NCAN: variants seen among roughly 807,000 people sequenced by gnomAD.
NCAN encodes the protein neurocan, also known as neurocan core protein.
NCAN carries 47 observed loss-of-function variants against 121.8 expected under a neutral mutation model. That is an observed-to-expected ratio of 0.39 (90% CI 0.31 to 0.49). The LOEUF (loss-of-function observed/expected upper bound fraction) is 0.49. NCAN is among the 20% of genes least tolerant of loss of function. The pLI, the probability that NCAN is intolerant of heterozygous loss-of-function variation, is 0.92. For missense variants in NCAN, 1,517 were observed against 1,773.4 expected, an observed-to-expected ratio of 0.86 and a Z score of 2.60; for synonymous variants, 633 against 702.0, an observed-to-expected ratio of 0.90 and a Z score of 1.55.
At position 19,240,664 on chromosome 19, in the gene NCAN, G is replaced by C; in HGVS notation, c.3471G>C (p.Gln1157His). ...LNDRIVERDF[Q>H]WTDNTGLQFE... The stretch of plus-strand genomic sequence containing the variant: ...ACAGGATCGTGGAGAGAGATTTCCA[G>C]TGGACGGACAACACCGGGCTGGTGA... The change falls in exon 12 of 15, where the codon CAG (glutamine) becomes CAC (histidine). Residue 1157 changes from glutamine (Q) to histidine (H), a missense_variant. By Grantham distance (24) the Gln-to-His change is conservative (BLOSUM62 0). Transcript: ENST00000252575. 2 of 1,614,124 alleles carry C rather than the reference G, an allele frequency of 1.2e-6. No homozygotes were observed. Among genetic ancestry groups the C allele is most frequent in the Non-Finnish European group, 1.7e-6 (2 of 1,180,044 alleles).
chr19:19,247,380 A>C (rs1220053000), intron 13 of NCAN, among the ~76,000 whole-genome samples: 2 of 152,124 alleles, frequency 1.3e-5, no homozygotes, highest in Non-Finnish European at 2.9e-5. Context: ...TGGCCTCCTC[A>C]GCAGCTGGGA....
chr19:19,237,961 T>G (rs769571110), intron 10 of NCAN, among the ~76,000 whole-genome samples: 12 of 151,912 alleles, frequency 7.9e-5, no homozygotes, highest in Non-Finnish European at 1.3e-4. Context: ...GAGGATTGCT[T>G]GAGTATGGGA....
intron 13 of NCAN, among the ~76,000 whole-genome samples, chr19:19,247,226 G>A (rs886325311): frequency 2.0e-5 from 3 of 151,706 alleles, no homozygotes; most frequent in Non-Finnish European, 2.9e-5. Context: ...GCTGGACTAC[G>A]GGTGCACACC....
At chr19:19,231,502 T>C (rs2060859803) in intron 8 of NCAN, among the ~76,000 whole-genome samples, 1 of 152,000 alleles carries the variant, frequency 6.6e-6, no homozygotes, top group South Asian at 2.1e-4. Context: ...CTAATTTTTA[T>C]ACTTTTAGTA....
At position 19,218,996 on chromosome 19, in the gene NCAN, C is replaced by T. The variant is rs1269745759; in HGVS notation, c.155C>T (p.Ala52Val). The change falls in exon 3 of 15, where the codon GCG becomes GTG. Residue 52 changes from alanine (A) to valine (V), a missense_variant. By Grantham distance (64) the Ala-to-Val change is moderately conservative. Transcript: ENST00000252575. ...TCTGGGTCAGTGCAGGCTGCGCTGG[C>T]GGAGCTGGTGGCCCTGCCCTGTCTC... ...LGSGSVQAALAELVALPCLFT... is the reference protein window; with the variant it reads ...LGSGSVQAALVELVALPCLFT... 2.5e-6 allele frequency: 4 copies of T among 1,595,474 alleles called. No individual in the cohort carries two copies. Among genetic ancestry groups the T allele is most frequent in the Non-Finnish European group, 3.4e-6 (4 of 1,169,184 alleles).
At chr19:19,242,908 G>A (rs1162513678) in intron 12 of NCAN, among the ~76,000 whole-genome samples, 1 of 152,134 alleles carries the variant, frequency 6.6e-6, no homozygotes, top group African/African-American at 2.4e-5. Context: ...GCCAAGGTGG[G>A]TGGATTGCTT....
intron 11 of NCAN, among the ~76,000 whole-genome samples, chr19:19,239,824 C>T (rs1262414184): frequency 1.5e-5 from 2 of 134,122 alleles, no homozygotes; most frequent in Non-Finnish European, 3.2e-5. Context: ...CCTCCCCATT[C>T]ATCTCCCACT....
intron 10 of NCAN, among the ~76,000 whole-genome samples, 197 bp from the exon 11 acceptor site, chr19:19,238,056 A>G (rs1236016831): frequency 6.6e-6 from 1 of 152,138 alleles, no homozygotes; most frequent in African/African-American, 2.4e-5. Flanking sequence ...AAAAAAGAAA[A>G]AAAAGAAGTC....
chr19:19,217,980 C>T (rs1455481110), intron 2 of NCAN, among the ~76,000 whole-genome samples: 3 of 151,282 alleles, frequency 2.0e-5, no homozygotes, highest in Non-Finnish European at 4.4e-5. Flanking sequence ...GAGTCAGACT[C>T]AAAAAAATAA....
In NCAN at chr19:19,228,556, G is replaced by A. The variant is rs2060846842; in HGVS notation, c.2936G>A (p.Gly979Asp). 1 of 1,613,060 alleles carries A rather than the reference G, an allele frequency of 6.2e-7. No individual in the cohort carries two copies. The highest frequency in any genetic ancestry group is 1.7e-5 in the Admixed American group (1 of 60,012). Residue 979 changes from glycine (G) to aspartate (D), a missense_variant, in exon 8 of 15, where the codon GGT (glycine) becomes GAT (aspartate). Gly to Asp is a moderately conservative substitution (Grantham distance 94, BLOSUM62 -1). Transcript: ENST00000252575. ...FELEVLAGSP[G>D]VESFWEEVAS... ...CTGGAGGTCCTGGCAGGGAGCCCGGGTGTAGAGAGCTTCTGGGAGGAGGTG... is the reference window on the plus strand; with the variant it reads ...CTGGAGGTCCTGGCAGGGAGCCCGGATGTAGAGAGCTTCTGGGAGGAGGTG...
chr19:19,244,035 A>G (rs542068965), intron 12 of NCAN, among the ~76,000 whole-genome samples: 130 of 152,260 alleles, frequency 8.5e-4, no homozygotes, highest in Non-Finnish European at 1.4e-3. Flanking sequence ...ACAAAACAAA[A>G]CAAAACAAAA....
At chr19:19,226,418 T>C in intron 6 of NCAN, 68 bp from the exon 7 acceptor site, 1 of 1,219,558 alleles carries the variant, frequency 8.2e-7, no homozygotes, top group Non-Finnish European at 1.2e-6. Context: ...GGAAAGTGGG[T>C]AGACTTCAAG....
Position 19,224,104 on chromosome 19 carries a change from GC to G in NCAN, c.561del (p.Ile188SerfsTer84). On this transcript the variant is annotated frameshift_variant, in exon 4 of 15. Transcript: ENST00000252575. LOFTEE classifies it high-confidence loss of function. ...EAQEACRLSS[A>X]IIAAPRHLQA... is the part of the protein sequence containing the mutation. ...CCAGGAGGCCTGCCGTCTCAGCTCA[GC>G]CATCATTGCAGCCCCTCGGCATCTA... The G allele has an allele frequency of 6.2e-7, 1 of 1,608,884 alleles. No individual in the cohort carries two copies. The highest frequency in any genetic ancestry group is 8.5e-7 in the Non-Finnish European group (1 of 1,175,954).
Position 19,218,923 on chromosome 19 carries a change from G to C in NCAN, c.82G>C (p.Asp28His). 1 of 1,516,664 alleles carries C rather than the reference G, an allele frequency of 6.6e-7. No individual in the cohort carries two copies. The highest frequency in any genetic ancestry group is 8.8e-7 in the Non-Finnish European group (1 of 1,130,910). 94.0% of individuals were successfully genotyped at this position (1,516,664 alleles called of 1,614,324 possible). A position where few individuals can be genotyped will look rare whatever the true frequency, so the allele number is the denominator to read the frequency against. ...LFVAGEQGTQ[D>H]ITDASERGLH... ...CACCTTCTCCAACCCAGGCACACAG[G>C]ATATCACCGATGCCAGCGAAAGGGG... is the stretch of plus-strand genomic sequence containing the variant. Residue 28 changes from aspartate to histidine, a missense_variant, in exon 3 of 15, where the codon GAT becomes CAT. Physicochemically the swap from Asp to His is moderately conservative, Grantham distance 81 (BLOSUM62 -1). Transcript: ENST00000252575.
intron 8 of NCAN, among the ~76,000 whole-genome samples, chr19:19,232,154 G>A (rs1204948283): frequency 1.3e-5 from 2 of 152,084 alleles, no homozygotes; most frequent in African/African-American, 2.4e-5. Context: ...ACGGGGGTTG[G>A]AGCTGCACCT....
Position 19,240,621 on chromosome 19 carries a change from C to A in NCAN, c.3428C>A (p.Thr1143Lys). The stretch of plus-strand genomic sequence containing the variant: ...CCTGCAGGCTTTGGGCATGAAAACA[C>A]GTGGATCGGCCTGAACGACAGGATC... ...SFINSFGHEN[T>K]WIGLNDRIVE... Residue 1143 changes from threonine (T) to lysine (K), a missense_variant, in exon 12 of 15, where the codon ACG becomes AAG. Thr to Lys is a moderately conservative substitution (Grantham distance 78). Transcript: ENST00000252575. The A allele has an allele frequency of 6.2e-7, 1 of 1,614,114 alleles. No homozygotes were observed. Among genetic ancestry groups the A allele is most frequent in the Non-Finnish European group, 8.5e-7 (1 of 1,180,038 alleles).
chr19:19,227,632 C>A lies in NCAN; in HGVS notation c.2012C>A (p.Pro671His). ...GEATATAPPS[P>H]AAETKVYSLP... ...GCCACCGCCACGGCTCCACCCTCCC[C>A]TGCTGCAGAGACCAAGGTGTATTCC... is the stretch of plus-strand genomic sequence containing the variant. Residue 671 changes from proline to histidine, a missense_variant, in exon 8 of 15, where the codon CCT (proline) becomes CAT (histidine). Physicochemically the swap from Pro to His is moderately conservative, Grantham distance 77 (BLOSUM62 -2). Coordinates refer to ENST00000252575, the MANE Select transcript of NCAN (RefSeq NM_004386.3). This position sits in a 1 kb window ranked among gnomAD's most constrained non-coding sequence, Gnocchi z 4.2. 6.2e-7 allele frequency: 1 copy of A among 1,614,012 alleles called. No individual in the cohort carries two copies.
chr19:19,224,738 T>C (rs1418502277), intron 5 of NCAN, among the ~76,000 whole-genome samples: 1 of 151,232 alleles, frequency 6.6e-6, no homozygotes, highest in Non-Finnish European at 1.5e-5. Context: ...CCTCCCTCTC[T>C]CTGAAGCCCG....
intron 12 of NCAN, among the ~76,000 whole-genome samples, chr19:19,244,579 G>A (rs930062064): frequency 5.3e-5 from 8 of 152,028 alleles, no homozygotes; most frequent in East Asian, 1.9e-4. Context: ...AAAGTGCTGG[G>A]ATTACAGGCA....
Sources: gnomAD v4.1 joint callset for allele counts (sites outside exome capture counted in the v4.1 genomes callset) on GRCh38, gnomAD v4.1.1 for gene constraint, Gnocchi (gnomAD v3.1) non-coding constraint, MANE v1.5 for transcripts, NCBI Gene and HGNC (gene_info 2026-07-23, HGNC 2026-07-21) for gene names.